ARHGAP15: variants seen among roughly 807,000 people sequenced by gnomAD.
ARHGAP15 encodes Rho GTPase activating protein 15, also known as rho GTPase-activating protein 15.
ARHGAP15 carries 51 observed loss-of-function variants against 63.7 expected under a neutral mutation model. That is an observed-to-expected ratio of 0.80 (90% confidence interval 0.64 to 1.01). The LOEUF (loss-of-function observed/expected upper bound fraction) is 1.01. ARHGAP15 is among the 50% of genes least tolerant of loss of function. The pLI, the probability that ARHGAP15 is intolerant of heterozygous loss-of-function variation, is 0.00. For missense variants in ARHGAP15, 560 were observed against 564.6 expected (o/e 0.99, Z 0.08); for synonymous variants, 191 against 193.8 (o/e 0.99, Z 0.12).
chr2:143,748,693 T>C (rs1252015350), intron 13 of ARHGAP15, among the ~76,000 whole-genome samples: 2 of 152,186 alleles, frequency 1.3e-5, no homozygotes, highest in East Asian at 3.9e-4. Flanking sequence ...GTAAAGTGTA[T>C]TAACTTTCTC....
At chr2:143,298,785 A>G (rs1682762783) in intron 6 of ARHGAP15, among the ~76,000 whole-genome samples, 3 of 151,930 alleles carry the variant, frequency 2.0e-5, no homozygotes, top group Admixed American at 2.0e-4. Flanking sequence ...ATCAAAGTAA[A>G]TTGAATTTAA....
intron 6 of ARHGAP15, among the ~76,000 whole-genome samples, chr2:143,306,731 G>T (rs956988403): frequency 6.6e-6 from 1 of 152,086 alleles, no homozygotes; most frequent in Non-Finnish European, 1.5e-5. Context: ...GAAGGATTTT[G>T]TTTTCCTCAG....
intron 11 of ARHGAP15, 86 bp from the exon 12 acceptor site, chr2:143,624,047 T>C: frequency 6.6e-7 from 1 of 1,506,648 alleles, no homozygotes; most frequent in Non-Finnish European, 9.1e-7. Context: ...TTGCTGATGA[T>C]AGTAGGCAAA....
At chr2:143,402,029 A>C (rs1688008833) in intron 6 of ARHGAP15, among the ~76,000 whole-genome samples, 1 of 151,894 alleles carries the variant, frequency 6.6e-6, no homozygotes, top group Non-Finnish European at 1.5e-5. Context: ...GACAGAACAG[A>C]AGAAAGATAT....
chr2:143,307,381 G>C (rs1683222858), intron 6 of ARHGAP15, among the ~76,000 whole-genome samples: 1 of 152,060 alleles, frequency 6.6e-6, no homozygotes. Flanking sequence ...TATAATTTTG[G>C]ATACCATATT....
intron 8 of ARHGAP15, among the ~76,000 whole-genome samples, chr2:143,477,456 T>G (rs1691875322): frequency 6.6e-6 from 1 of 152,166 alleles, no homozygotes; most frequent in Admixed American, 6.5e-5. Context: ...GATTAATAAT[T>G]GCTTCTGTTA....
chr2:143,200,355 T>G (rs537872946), intron 2 of ARHGAP15, among the ~76,000 whole-genome samples: 1 of 151,758 alleles, frequency 6.6e-6, no homozygotes, highest in Admixed American at 6.6e-5. Flanking sequence ...AGTCGTGGAA[T>G]TTTTTAGGCC....
intron 9 of ARHGAP15, among the ~76,000 whole-genome samples, chr2:143,508,095 C>T (rs979584252): frequency 6.6e-6 from 1 of 152,112 alleles, no homozygotes; most frequent in Non-Finnish European, 1.5e-5. Context: ...TAATGTGTGT[C>T]CTTCCTGTGA....
chr2:143,728,366 TCTC>T, intron 13 of ARHGAP15, among the ~76,000 whole-genome samples: 1 of 152,230 alleles, frequency 6.6e-6, no homozygotes, highest in East Asian at 1.9e-4. Flanking sequence ...AAAGGCCCAG[TCTC>T]CAAATGCAGT....
At chr2:143,716,074 T>C (rs1684797184) in intron 13 of ARHGAP15, among the ~76,000 whole-genome samples, 1 of 152,086 alleles carries the variant, frequency 6.6e-6, no homozygotes, top group Admixed American at 6.6e-5. Flanking sequence ...CTGTTGGGCT[T>C]AATACATAGG....
chr2:143,545,501 A>C, intron 10 of ARHGAP15, among the ~76,000 whole-genome samples: 1 of 13,358 alleles, frequency 7.5e-5, no homozygotes, highest in Admixed American at 1.2e-3. Context: ...CAAAGTAAAA[A>C]TAATGTTATT....
chr2:143,145,842 GT>G lies in ARHGAP15; in HGVS notation c.-14-9634del, dbSNP rs1558773771. Among the ~76,000 whole-genome samples, 13 of 3,862 alleles carry G rather than the reference GT, an allele frequency of 3.4e-3. No homozygotes were observed. The South Asian group carries it at 0.044, about 13-fold the overall frequency. The allele number at this position is 3,862 out of a possible 152,430, so 2.5% of individuals were successfully genotyped here. A position where few individuals can be genotyped will look rare whatever the true frequency, so the allele number is the denominator to read the frequency against. ...TTCCAATTTATATATGTATAGGGGTGTGTGTGTGTGTGTGTGTGTGTGTGTG... is the reference window on the plus strand; with the variant it reads ...TTCCAATTTATATATGTATAGGGGTGGTGTGTGTGTGTGTGTGTGTGTGTG... On this transcript the variant is annotated intron_variant, in intron 1 of 13. Coordinates refer to ENST00000295095, the MANE Select transcript of ARHGAP15 (RefSeq NM_018460.4).
intron 9 of ARHGAP15, among the ~76,000 whole-genome samples, chr2:143,503,814 T>C (rs1180314309): frequency 1.3e-5 from 2 of 152,228 alleles, no homozygotes; most frequent in Non-Finnish European, 1.5e-5. Context: ...GGTATGATTG[T>C]TATTCCTATT....
chr2:143,621,033 T>C (rs957657778), intron 11 of ARHGAP15, among the ~76,000 whole-genome samples: 2 of 152,224 alleles, frequency 1.3e-5, no homozygotes, highest in Non-Finnish European at 2.9e-5. Context: ...CAGACACTTA[T>C]GGACTTCACT....
intron 6 of ARHGAP15, among the ~76,000 whole-genome samples, chr2:143,355,990 A>G (rs2105324958): frequency 6.6e-6 from 1 of 152,116 alleles, no homozygotes; most frequent in African/African-American, 2.4e-5. Context: ...TCCTGTCACC[A>G]CTGACAGGCT....
chr2:143,237,564 G>C (rs1442991040), intron 5 of ARHGAP15: 1 of 152,130 alleles, frequency 6.6e-6, no homozygotes. Context: ...AAACCTACTG[G>C]TGCTTCCATC....
At chr2:143,522,926 C>A (rs1350422278) in intron 10 of ARHGAP15, among the ~76,000 whole-genome samples, 1 of 152,048 alleles carries the variant, frequency 6.6e-6, no homozygotes, top group Non-Finnish European at 1.5e-5. Context: ...CTTAAAAATG[C>A]GATCACCTGT....
chr2:143,545,482 T>G (rs138904218), intron 10 of ARHGAP15, among the ~76,000 whole-genome samples: 1 of 143,858 alleles, frequency 7.0e-6, no homozygotes, highest in African/African-American at 2.6e-5. Context: ...GATATTAAAC[T>G]ATGTTGCACA....
chr2:143,294,654 T>C (rs140057188), intron 6 of ARHGAP15, among the ~76,000 whole-genome samples: 6 of 152,152 alleles, frequency 3.9e-5, no homozygotes, highest in Middle Eastern at 6.8e-3. Flanking sequence ...TCTGCTTATT[T>C]CTTACTAGGA....
Sources: gnomAD v4.1 joint callset for allele counts (sites outside exome capture counted in the v4.1 genomes callset) on GRCh38, gnomAD v4.1.1 for gene constraint, MANE v1.5 for transcripts, NCBI Gene and HGNC (gene_info 2026-07-23, HGNC 2026-07-21) for gene names.